Variants in POLD3 observed in about 807,000 individuals in gnomAD.
POLD3 encodes the protein DNA polymerase delta 3, accessory subunit.
POLD3 carries 19 observed loss-of-function variants against 58.2 expected under a neutral mutation model. That is an observed-to-expected ratio of 0.33 (90% CI 0.23 to 0.48). POLD3 has a LOEUF of 0.48. POLD3 is among the 20% of genes least tolerant of loss of function. The pLI, the probability that POLD3 is intolerant of heterozygous loss-of-function variation, is 0.99. For synonymous variants in POLD3, 172 were observed against 193.5 expected (o/e 0.89, Z 0.92); for missense variants, 504 against 545.5 (o/e 0.92, Z 0.76).
chr11:74,625,024 G>A (rs1262484017), intron 7 of POLD3, among the ~76,000 whole-genome samples: 1 of 152,124 alleles, frequency 6.6e-6, no homozygotes, highest in African/African-American at 2.4e-5. Flanking sequence ...TATATAGAAA[G>A]CAAAGGTCTT....
At position 74,592,716 on chromosome 11, in the gene POLD3, A is replaced by C; in HGVS notation, c.58A>C (p.Ile20Leu). 2 of 1,613,992 alleles carry C rather than the reference A, an allele frequency of 1.2e-6. No individual in the cohort carries two copies. The highest frequency in any genetic ancestry group is 1.7e-6 in the Non-Finnish European group (2 of 1,179,928). Residue 20 changes from isoleucine to leucine, a missense_variant and splice_region_variant, in exon 1 of 12, where the codon ATC becomes CTC. By Grantham distance (5) the Ile-to-Leu change is conservative. Around this residue, in one of 2 missense-constraint regions of POLD3, gnomAD observed 119 missense variants for 175.0 expected, o/e 0.68. Transcript: ENST00000263681. ...IDEFVTDQNK[I>L]VTYKWLSYTL... is the part of the protein sequence containing the mutation. ...CGAGTTCGTCACGGACCAAAACAAG[A>C]TCGTGAGCAGCTACTACTGGGGAAC...
chr11:74,603,431 T>A lies in POLD3; in HGVS notation c.117-1261T>A, dbSNP rs192833417. On this transcript the variant is annotated intron_variant, in intron 2 of 11. Coordinates refer to ENST00000263681, the MANE Select transcript of POLD3 (RefSeq NM_006591.3). ...GCTTGCGTGGTTTCAGCAGATGATG[T>A]TGTTGTCAGAGATGGATGAAATAAA... Among the ~76,000 whole-genome samples the A allele has an allele frequency of 1.6e-3, 248 of 152,268 alleles. 1 individual carries two copies. Among genetic ancestry groups the A allele is most frequent in the Non-Finnish European group, 3.0e-3 (204 of 68,016 alleles).
intron 4 of POLD3, among the ~76,000 whole-genome samples, chr11:74,667,267 G>A (rs1246621563): frequency 6.6e-6 from 1 of 152,248 alleles, no homozygotes; most frequent in East Asian, 1.9e-4. Context: ...CCGGCGTGGT[G>A]GCTCACGCCT....
At chr11:74,632,856 G>A (rs2032631580) in intron 9 of POLD3, among the ~76,000 whole-genome samples, 1 of 129,002 alleles carries the variant, frequency 7.8e-6, no homozygotes. Flanking sequence ...GAAAGTGGTG[G>A]TTTTCCTTTA....
chr11:74,635,361 TATTTTG>T (rs2032718528), intron 10 of POLD3, among the ~76,000 whole-genome samples: 2 of 152,326 alleles, frequency 1.3e-5, no homozygotes, highest in Admixed American at 6.5e-5. Context: ...TAGTAATACC[TATTTTG>T]AGACTAAATT....
chr11:74,642,411 C>T lies in POLD3; in HGVS notation c.*1645C>T, dbSNP rs1316991542. 1 of 984,970 alleles carries T rather than the reference C, an allele frequency of 1.0e-6. No homozygotes were observed. Among genetic ancestry groups the T allele is most frequent in the Non-Finnish European group, 1.2e-6 (1 of 829,630 alleles). The allele number at this position is 984,970 out of a possible 1,614,324, so 61.0% of individuals were successfully genotyped here. On this transcript the variant is annotated 3_prime_UTR_variant, in exon 12 of 12. Coordinates refer to ENST00000263681, the MANE Select transcript of POLD3 (RefSeq NM_006591.3). ...GAGAGAAATCCCTTTTAAACAGTTACTTTTGTCATTGCCTCTGGTCATTTG... is the reference window on the plus strand; with the variant it reads ...GAGAGAAATCCCTTTTAAACAGTTATTTTTGTCATTGCCTCTGGTCATTTG...
chr11:74,601,318 AACATT>A (rs1172516887), intron 2 of POLD3, among the ~76,000 whole-genome samples: 1 of 152,222 alleles, frequency 6.6e-6, no homozygotes, highest in Non-Finnish European at 1.5e-5. Context: ...AATGGAAAGA[AACATT>A]AGAGGGCAAA....
At chr11:74,597,204 T>C (rs1423156217) in intron 2 of POLD3, among the ~76,000 whole-genome samples, 3 of 152,242 alleles carry the variant, frequency 2.0e-5, no homozygotes, top group African/African-American at 7.2e-5. Flanking sequence ...TAATTTACAT[T>C]CCCACCAACA....
intron 4 of POLD3, among the ~76,000 whole-genome samples, chr11:74,663,064 C>T (rs1017647320): frequency 2.0e-5 from 3 of 152,164 alleles, no homozygotes; most frequent in South Asian, 2.1e-4. Flanking sequence ...ACTATAATTT[C>T]GAAGTTAAAA....
chr11:74,651,516 A>G (rs997461567), intron 4 of POLD3, among the ~76,000 whole-genome samples: 2 of 152,232 alleles, frequency 1.3e-5, no homozygotes, highest in Admixed American at 1.3e-4. Context: ...TAATTGCATG[A>G]ACAATTATGT....
chr11:74,625,695 T>C, intron 8 of POLD3, 122 bp downstream of exon 8: 1 of 662,746 alleles, frequency 1.5e-6, no homozygotes, highest in Non-Finnish European at 2.5e-6. Context: ...GCCTAAGGGA[T>C]ACAACTATAC....
At chr11:74,607,236 AT>A (rs1490780841) in intron 3 of POLD3, among the ~76,000 whole-genome samples, 33 of 94,236 alleles carry the variant, frequency 3.5e-4, no homozygotes, top group Admixed American at 1.4e-3. Flanking sequence ...ATTTATTATT[AT>A]TATTATATAT....
intron 3 of POLD3, among the ~76,000 whole-genome samples, chr11:74,606,667 C>A (rs1299903873): frequency 3.9e-5 from 6 of 152,068 alleles, no homozygotes; most frequent in Non-Finnish European, 8.8e-5. Context: ...ATTTAGGATT[C>A]TTAGATGGTC....
chr11:74,601,070 A>G (rs2031478836), intron 2 of POLD3, among the ~76,000 whole-genome samples: 1 of 152,170 alleles, frequency 6.6e-6, no homozygotes, highest in Non-Finnish European at 1.5e-5. Flanking sequence ...CTGTTAATAT[A>G]AGAGAGAAGA....
chr11:74,618,606 G>A lies in POLD3; in HGVS notation c.462G>A (p.Lys154=). Residue 154 remains lysine, a synonymous_variant, in exon 6 of 12, where the codon AAG becomes AAA. Transcript: ENST00000263681. ...APAESSSSSK[K]FEQSHLHMSS... ...CTGAATCCTCTTCGTCTTCCAAAAA[G>A]TTTGAGCAGTCACATCTTCACATGT... 6.2e-7 allele frequency: 1 copy of A among 1,614,086 alleles called. No homozygotes were observed. The highest frequency in any genetic ancestry group is 1.3e-5 in the African/African-American group (1 of 75,028).
In POLD3 at chr11:74,642,049, G is replaced by A. The variant is rs1027259644; in HGVS notation, c.*1283G>A. On this transcript the variant is annotated 3_prime_UTR_variant, in exon 12 of 12. Coordinates refer to ENST00000263681, the MANE Select transcript of POLD3 (RefSeq NM_006591.3). ...GCGGAAGGGGTCAGGCTCAACTGCTGATGTGTCTCACACGTAGCAGACAAG... is the reference window on the plus strand; with the variant it reads ...GCGGAAGGGGTCAGGCTCAACTGCTAATGTGTCTCACACGTAGCAGACAAG... 1.0e-6 allele frequency: 1 copy of A among 985,364 alleles called. No homozygotes were observed. The highest frequency in any genetic ancestry group is 1.2e-6 in the Non-Finnish European group (1 of 829,956). The allele number at this position is 985,364 out of a possible 1,614,324, so 61.0% of individuals were successfully genotyped here. A position where few individuals can be genotyped will look rare whatever the true frequency, so the allele number is the denominator to read the frequency against.
Position 74,641,030 on chromosome 11 carries a change from A to C in POLD3, c.*264A>C. ...GTCCAGGAGAAGGATTTACTCCAAA[A>C]TTATACTGGAACAGTTTTCAGAATT... On this transcript the variant is annotated 3_prime_UTR_variant, in exon 12 of 12. Transcript: ENST00000263681. 1 of 1,105,944 alleles carries C rather than the reference A, an allele frequency of 9.0e-7. No homozygotes were observed. Among genetic ancestry groups the C allele is most frequent in the Non-Finnish European group, 1.1e-6 (1 of 908,418 alleles). The allele number at this position is 1,105,944 out of a possible 1,614,324, so 68.5% of individuals were successfully genotyped here.
chr11:74,640,569 G>GA lies in POLD3; in HGVS notation c.1209dup (p.Val404SerfsTer5). ...TTTTTTTCTCATCCTACCAGTGACTGAAAAAGTCTACGAGAGTGAATCCTG... is the reference window on the plus strand; with the variant it reads ...TTTTTTTCTCATCCTACCAGTGACTGAAAAAAGTCTACGAGAGTGAATCCTG... On this transcript the variant is annotated frameshift_variant, in exon 12 of 12. Coordinates refer to ENST00000263681, the MANE Select transcript of POLD3 (RefSeq NM_006591.3). LOFTEE classifies it high-confidence loss of function. 2 of 1,524,382 alleles carry GA rather than the reference G, an allele frequency of 1.3e-6. No individual in the cohort carries two copies. The highest frequency in any genetic ancestry group is 1.8e-6 in the Non-Finnish European group (2 of 1,138,146). 94.4% of individuals were successfully genotyped at this position (1,524,382 alleles called of 1,614,324 possible). A position where few individuals can be genotyped will look rare whatever the true frequency, so the allele number is the denominator to read the frequency against.
intron 2 of POLD3, among the ~76,000 whole-genome samples, chr11:74,598,429 C>A (rs931249364): frequency 1.3e-5 from 2 of 152,200 alleles, no homozygotes; most frequent in African/African-American, 4.8e-5. Flanking sequence ...CATCACTGTT[C>A]TGATTACTAT....
Sources: gnomAD v4.1 joint callset for allele counts (sites outside exome capture counted in the v4.1 genomes callset) on GRCh38, gnomAD v4.1.1 for gene constraint, gnomAD v4.1.1 regional missense constraint, MANE v1.5 for transcripts, NCBI Gene and HGNC (gene_info 2026-07-23, HGNC 2026-07-21) for gene names.